CALCR: variants seen among roughly 807,000 people sequenced by gnomAD.
CALCR encodes calcitonin receptor.
Under a neutral mutation model 59.5 loss-of-function variants are expected in CALCR, and 47 were observed. The ratio of observed to expected loss-of-function variants is 0.79; its 90% CI spans 0.63 to 1.01. The LOEUF is 1.01. Ranked by LOEUF, CALCR falls within the 50% of genes least tolerant of loss-of-function variation. The pLI is 0.00. For missense variants in CALCR, 566 were observed against 597.1 expected, an observed-to-expected ratio of 0.95 and a Z score of 0.54; for synonymous variants, 213 against 211.3, an observed-to-expected ratio of 1.01 and a Z score of -0.07.
At chr7:93,543,752 A>G (rs533127104) in intron 2 of CALCR, among the ~76,000 whole-genome samples, 22 of 152,150 alleles carry the variant, frequency 1.4e-4, no homozygotes, top group Admixed American at 1.2e-3. Context: ...TTTTTTTCCA[A>G]TGAGTTTTTT....
At chr7:93,431,800 C>CT (rs2115671263) in intron 13 of CALCR, among the ~76,000 whole-genome samples, 1 of 152,238 alleles carries the variant, frequency 6.6e-6, no homozygotes, top group African/African-American at 2.4e-5. Flanking sequence ...ACTATTTTAT[C>CT]CACGATGTAC....
chr7:93,517,128 AC>A (rs373836856), intron 2 of CALCR, among the ~76,000 whole-genome samples: 2 of 151,932 alleles, frequency 1.3e-5, no homozygotes, highest in African/African-American at 4.8e-5. Flanking sequence ...TATGGACTTC[AC>A]AAGTAATTCC....
chr7:93,512,209 C>T (rs1386766500), intron 2 of CALCR, among the ~76,000 whole-genome samples: 1 of 152,112 alleles, frequency 6.6e-6, no homozygotes, highest in Non-Finnish European at 1.5e-5. Context: ...ACAGAAAGGA[C>T]CTCAAAACGT....
chr7:93,478,568 T>C (rs184794294), intron 4 of CALCR, among the ~76,000 whole-genome samples: 33 of 151,720 alleles, frequency 2.2e-4, no homozygotes, highest in African/African-American at 8.0e-4. Flanking sequence ...CATGCACCTG[T>C]AGTCCCAACT....
At chr7:93,526,204 T>C (rs989456862) in intron 2 of CALCR, among the ~76,000 whole-genome samples, 2 of 152,184 alleles carry the variant, frequency 1.3e-5, no homozygotes, top group Admixed American at 1.3e-4. Context: ...TATGTTTGTT[T>C]AAGTGAGGAA....
chr7:93,555,721 T>G (rs2116246346), intron 2 of CALCR, among the ~76,000 whole-genome samples: 1 of 152,268 alleles, frequency 6.6e-6, no homozygotes, highest in African/African-American at 2.4e-5. Flanking sequence ...TTATCATATG[T>G]TTATTAAAAC....
At chr7:93,435,635 C>T (rs1799755803) in intron 12 of CALCR, among the ~76,000 whole-genome samples, 1 of 151,714 alleles carries the variant, frequency 6.6e-6, no homozygotes, top group African/African-American at 2.4e-5. Flanking sequence ...TGGTGAAACC[C>T]CGTCTACTAA....
At chr7:93,515,805 G>T (rs923627145) in intron 2 of CALCR, among the ~76,000 whole-genome samples, 2 of 151,954 alleles carry the variant, frequency 1.3e-5, no homozygotes, top group Non-Finnish European at 1.5e-5. Flanking sequence ...GAGTCAAAAA[G>T]TGATTTAAGA....
rs1224951628 is a variant in CALCR at position 93,425,212 on chromosome 7, G to A, written c.*1144C>T. 6.6e-6 allele frequency: 1 copy of A among 152,574 alleles called. No individual in the cohort carries two copies. The highest frequency in any genetic ancestry group is 1.5e-5 in the Non-Finnish European group (1 of 68,012). 9.5% of individuals were successfully genotyped at this position (152,574 alleles called of 1,614,324 possible). A position where few individuals can be genotyped will look rare whatever the true frequency, so the allele number is the denominator to read the frequency against. ...AAACGTTAAACATGAATTGATTTAT[G>A]GTTAAATTTGGAGCAGTTAATTTTT... On this transcript the variant is annotated 3_prime_UTR_variant, in exon 14 of 14. Transcript: ENST00000426151.
At chr7:93,502,874 T>C (rs1801348648) in intron 2 of CALCR, among the ~76,000 whole-genome samples, 1 of 152,102 alleles carries the variant, frequency 6.6e-6, no homozygotes, top group South Asian at 2.1e-4. Context: ...CTGATTTTTG[T>C]AAATATATAT....
At chr7:93,486,658 G>A (rs1053512070) in intron 3 of CALCR, among the ~76,000 whole-genome samples, 1 of 151,440 alleles carries the variant, frequency 6.6e-6, no homozygotes, top group African/African-American at 2.4e-5. Flanking sequence ...TAATTTCTAA[G>A]ATAATATGGA....
chr7:93,569,825 T>C (rs1220784116), intron 2 of CALCR, among the ~76,000 whole-genome samples: 1 of 151,926 alleles, frequency 6.6e-6, no homozygotes, highest in African/African-American at 2.4e-5. Context: ...ATTTGAAATG[T>C]TGAATTCTGA....
In CALCR at chr7:93,426,482, C is replaced by T. The variant is rs1355807949; in HGVS notation, c.1299G>A (p.Ala433=). The change falls in exon 14 of 14, where the codon GCG becomes GCA. Residue 433 remains alanine, a synonymous_variant. Coordinates refer to ENST00000426151, the MANE Select transcript of CALCR (RefSeq NM_001742.4). ...NRSARAAAAA[A]EAGDIPIYIC... ...TGTAAATTGGGATGTCGCCAGCCTC[C>T]GCAGCAGCGGCTGCAGCGCGAGCAG... 1.1e-5 allele frequency: 17 copies of T among 1,613,612 alleles called. No homozygotes were observed. The African/African-American group carries it at 1.9e-4, about 18-fold the overall frequency.
intron 3 of CALCR, among the ~76,000 whole-genome samples, chr7:93,484,213 A>T (rs1800871040): frequency 6.6e-6 from 1 of 151,814 alleles, no homozygotes. Flanking sequence ...CAGGAAAGGA[A>T]TCTGATTTGA....
At chr7:93,557,820 C>T (rs1563020161) in intron 2 of CALCR, among the ~76,000 whole-genome samples, 1 of 151,862 alleles carries the variant, frequency 6.6e-6, no homozygotes, top group East Asian at 1.9e-4. Flanking sequence ...TACTAAATTC[C>T]AATATGTTCC....
In CALCR at chr7:93,569,237, C is replaced by G. The variant is rs144986293; in HGVS notation, c.-27+5052G>C. Reference sequence around the variant, plus strand: ...AGAGAGATCTACCAAAATGGCAAATCTGATTATTTCAGTAACCTATATTAA... The same window carrying G: ...AGAGAGATCTACCAAAATGGCAAATGTGATTATTTCAGTAACCTATATTAA... On this transcript the variant is annotated intron_variant, in intron 2 of 13. Transcript: ENST00000426151. Among the ~76,000 whole-genome samples, 661 of 152,112 alleles carry G rather than the reference C, an allele frequency of 4.3e-3. 4 individuals are homozygous for G. Among genetic ancestry groups the G allele is most frequent in the African/African-American group, 0.015 (610 of 41,496 alleles).
intron 13 of CALCR, among the ~76,000 whole-genome samples, chr7:93,430,098 ATT>A (rs67589684): frequency 1.3e-5 from 2 of 150,240 alleles, no homozygotes; most frequent in African/African-American, 2.5e-5. Flanking sequence ...AGCCCGGCTA[ATT>A]TTTTTTTTGT....
chr7:93,531,579 T>A (rs1225021282), intron 2 of CALCR, among the ~76,000 whole-genome samples: 1 of 152,134 alleles, frequency 6.6e-6, no homozygotes, highest in Admixed American at 6.6e-5. Context: ...TTTATTTTTA[T>A]ATACTCCTCA....
At chr7:93,550,841 T>G (rs972426599) in intron 2 of CALCR, among the ~76,000 whole-genome samples, 2 of 152,166 alleles carry the variant, frequency 1.3e-5, no homozygotes, top group Non-Finnish European at 2.9e-5. Flanking sequence ...AGAGTGCACC[T>G]GTGATACCAG....
Sources: gnomAD v4.1 joint callset for allele counts (sites outside exome capture counted in the v4.1 genomes callset) on GRCh38, gnomAD v4.1.1 for gene constraint, MANE v1.5 for transcripts, NCBI Gene and HGNC (gene_info 2026-07-23, HGNC 2026-07-21) for gene names.